Variants in STK39 observed in about 807,000 individuals in gnomAD.
STK39 encodes serine/threonine kinase 39.
In STK39, 20 loss-of-function variants were observed where a neutral mutation model predicts 77.8. The ratio of observed to expected loss-of-function variants is 0.26; its 90% CI spans 0.18 to 0.37. The LOEUF is 0.37. Among genes scored for constraint, STK39 ranks in the 10% least tolerant of loss-of-function variants. The pLI is 1.00. For synonymous variants in STK39, 246 were observed against 234.1 expected, an observed-to-expected ratio of 1.05 and a Z score of -0.47; for missense variants, 479 against 656.5, an observed-to-expected ratio of 0.73 and a Z score of 2.95.
At chr2:168,179,430 A>C (rs1220276894) in intron 2 of STK39, among the ~76,000 whole-genome samples, 1 of 150,642 alleles carries the variant, frequency 6.6e-6, no homozygotes, top group African/African-American at 2.5e-5. Flanking sequence ...TGGGAGTTGT[A>C]CATCCTAAAG....
chr2:168,210,223 T>C (rs17797827), intron 1 of STK39, among the ~76,000 whole-genome samples: 66,414 of 151,966 alleles, frequency 0.44, 16,804 homozygotes, highest in East Asian at 0.77. Flanking sequence ...TGTGAACATA[T>C]TGGAAACTGA....
At chr2:168,072,664 T>C (rs1685971521) in intron 12 of STK39, among the ~76,000 whole-genome samples, 1 of 152,256 alleles carries the variant, frequency 6.6e-6, no homozygotes, top group Non-Finnish European at 1.5e-5. Flanking sequence ...AATACATATT[T>C]GCTGAATAGT....
intron 10 of STK39, among the ~76,000 whole-genome samples, chr2:168,111,699 T>G (rs1687125006): frequency 6.6e-6 from 1 of 152,202 alleles, no homozygotes; most frequent in African/African-American, 2.4e-5. Context: ...AGCAATTTTC[T>G]CCTTATAAAT....
In STK39 at chr2:168,065,261, T is replaced by G. The variant is rs1171227578; in HGVS notation, c.1305+58A>C. ...TTGTCTATCTTTCTAAAATGTTGGT[T>G]TTTTAAAGGATCTGTCTACAAAGCA... On this transcript the variant is annotated intron_variant, in intron 13 of 17. Transcript: ENST00000355999. 1.9e-6 allele frequency: 3 copies of G among 1,588,464 alleles called. No homozygotes were observed. In the Admixed American group the frequency reaches 5.1e-5, roughly 27 times the overall value.
intron 1 of STK39, among the ~76,000 whole-genome samples, chr2:168,216,745 A>G (rs1273200762): frequency 6.6e-6 from 1 of 152,188 alleles, no homozygotes. Flanking sequence ...AGCCAAGGCT[A>G]ATGCCACCGC....
At chr2:168,230,490 G>A (rs1209420544) in intron 1 of STK39, among the ~76,000 whole-genome samples, 1 of 152,158 alleles carries the variant, frequency 6.6e-6, no homozygotes, top group East Asian at 1.9e-4. Context: ...AAGAGCCCCA[G>A]CCAAGCTGAC....
chr2:167,995,993 T>C (rs2105289708), intron 16 of STK39, among the ~76,000 whole-genome samples: 1 of 152,312 alleles, frequency 6.6e-6, no homozygotes, highest in Middle Eastern at 3.4e-3. Flanking sequence ...TTCTTAATTT[T>C]TGAAGAAGGG....
intron 1 of STK39, among the ~76,000 whole-genome samples, chr2:168,243,158 C>A (rs1220861251): frequency 6.6e-6 from 1 of 152,172 alleles, no homozygotes; most frequent in African/African-American, 2.4e-5. Flanking sequence ...AGCGAAGGTA[C>A]CACTGTCCTC....
chr2:168,236,549 T>C (rs2105271716), intron 1 of STK39, among the ~76,000 whole-genome samples: 1 of 152,356 alleles, frequency 6.6e-6, no homozygotes, highest in South Asian at 2.1e-4. Flanking sequence ...TGAATGGTAT[T>C]GCCTAGGTTT....
chr2:168,210,468 G>A lies in STK39; in HGVS notation c.209-28378C>T, dbSNP rs532801571. 9.9e-5 allele frequency among the ~76,000 whole-genome samples: 15 copies of A among 152,262 alleles called. No homozygotes were observed. The South Asian group carries it at 2.9e-3, about 29-fold the overall frequency. On this transcript the variant is annotated intron_variant, in intron 1 of 17. Transcript: ENST00000355999. ...TATCAGTTACTGGATCATACAAGCT[G>A]CACACACATCAAGACACCTACTCCC...
chr2:168,047,038 GA>G (rs930711488), intron 14 of STK39, among the ~76,000 whole-genome samples: 4 of 151,778 alleles, frequency 2.6e-5, no homozygotes, highest in Non-Finnish European at 5.9e-5. Context: ...AAAAAAAAAG[GA>G]AAAAAAGAGA....
intron 5 of STK39, among the ~76,000 whole-genome samples, chr2:168,158,882 C>T (rs1025510952): frequency 1.3e-5 from 2 of 152,276 alleles, no homozygotes; most frequent in African/African-American, 4.8e-5. Flanking sequence ...AATGTACATT[C>T]TTCCCAGAGA....
At chr2:168,042,577 CTTT>C (rs540413448) in intron 14 of STK39, among the ~76,000 whole-genome samples, 71 of 133,014 alleles carry the variant, frequency 5.3e-4, no homozygotes, top group African/African-American at 1.6e-3. Context: ...TTCCTTCCTT[CTTT>C]TTTTTTTTTT....
At chr2:168,068,135 C>T (rs1463875354) in intron 12 of STK39, among the ~76,000 whole-genome samples, 2 of 152,154 alleles carry the variant, frequency 1.3e-5, no homozygotes, top group East Asian at 3.9e-4. Flanking sequence ...CATCGGGTCC[C>T]TCCCATGACA....
At chr2:167,987,081 T>G (rs577079926) in intron 16 of STK39, among the ~76,000 whole-genome samples, 1 of 152,292 alleles carries the variant, frequency 6.6e-6, no homozygotes, top group African/African-American at 2.4e-5. Flanking sequence ...TCATTAACCG[T>G]GGGCAGGACT....
chr2:167,964,563 C>T, intron 17 of STK39, 99 bp downstream of exon 17: 1 of 1,141,424 alleles, frequency 8.8e-7, no homozygotes, highest in Non-Finnish European at 1.3e-6. Flanking sequence ...AAAACAACAA[C>T]AGCAAAATTA....
intron 17 of STK39, 28 bp from the exon 18 acceptor site, chr2:167,955,598 G>A (rs201509510): frequency 5.6e-6 from 9 of 1,605,442 alleles, no homozygotes; most frequent in Non-Finnish European, 7.7e-6. Context: ...AAGCCTCAAT[G>A]CTGGTTTGCT....
At chr2:168,203,883 C>T (rs548943355) in intron 1 of STK39, among the ~76,000 whole-genome samples, 12 of 152,224 alleles carry the variant, frequency 7.9e-5, no homozygotes, top group Non-Finnish European at 1.3e-4. Context: ...CGTGAGCCAC[C>T]GCACCCAGCC....
chr2:168,171,844 GC>G lies in STK39; in HGVS notation c.322-4438del, dbSNP rs374055488. 7.6e-3 allele frequency among the ~76,000 whole-genome samples: 827 copies of G among 108,628 alleles called. 6 individuals carry two copies. Among genetic ancestry groups the G allele is most frequent in the African/African-American group, 0.03 (724 of 23,738 alleles). The allele number at this position is 108,628 out of a possible 152,430, so 71.3% of individuals were successfully genotyped here. ...TTGCTATATGGCCTTTCATTTCCAC[GC>G]CCCCCCCACTCCCCCCTCCCCCCCA... On this transcript the variant is annotated intron_variant, in intron 2 of 17. Coordinates refer to ENST00000355999, the MANE Select transcript of STK39 (RefSeq NM_013233.3).
Sources: allele counts gnomAD v4.1 joint callset (sites outside exome capture counted in the v4.1 genomes callset), GRCh38; gene constraint gnomAD v4.1.1; transcripts MANE v1.5; gene names NCBI Gene and HGNC (gene_info 2026-07-23, HGNC 2026-07-21).